The following ADARB2 variants were observed in gnomAD, a reference collection of about 807,000 sequenced individuals.
The protein encoded by ADARB2 is adenosine deaminase RNA specific B2 (inactive), also known as inactive double-stranded RNA-specific editase B2.
Under a neutral mutation model 62.2 loss-of-function variants are expected in ADARB2, and 25 were observed. That is an observed-to-expected ratio of 0.40 (90% CI 0.29 to 0.56). The LOEUF is 0.56. Among genes scored for constraint, ADARB2 ranks in the 20% least tolerant of loss-of-function variants. The pLI is 0.43. For synonymous variants in ADARB2, 572 were observed against 500.8 expected (o/e 1.14, Z -1.90); for missense variants, 1,071 against 1,077.4 (o/e 0.99, Z 0.08).
chr10:1,667,744 T>C (rs1834332102), intron 1 of ADARB2, among the ~76,000 whole-genome samples: 1 of 152,222 alleles, frequency 6.6e-6, no homozygotes, highest in Non-Finnish European at 1.5e-5. Context: ...AGCCACAAAT[T>C]AGAGGTATTT....
At chr10:1,316,263 G>T (rs1831738242) in intron 3 of ADARB2, among the ~76,000 whole-genome samples, 2 of 152,256 alleles carry the variant, frequency 1.3e-5, no homozygotes, top group African/African-American at 4.8e-5. Context: ...CACACAGCAG[G>T]GAAGGGAGTG....
rs372851456 is a variant in ADARB2 at position 1,503,775 on chromosome 10, C to G, written c.101-124615G>C. On this transcript the variant is annotated intron_variant, in intron 1 of 9. Transcript: ENST00000381312. Reference sequence around the variant, plus strand: ...AGTGAGCTCTGGCTAGATGTGGTCTCTAACAGTGTAGCCCTGCCCACGCCC... The same window carrying G: ...AGTGAGCTCTGGCTAGATGTGGTCTGTAACAGTGTAGCCCTGCCCACGCCC... Among the ~76,000 whole-genome samples the G allele has an allele frequency of 6.2e-4, 95 of 152,176 alleles. 1 individual carries two copies. The South Asian group carries it at 0.017, about 27-fold the overall frequency.
chr10:1,640,959 G>A (rs144238526), intron 1 of ADARB2, among the ~76,000 whole-genome samples: 5 of 152,258 alleles, frequency 3.3e-5, no homozygotes, highest in African/African-American at 9.6e-5. Flanking sequence ...TGCAAGATCC[G>A]AAATTCACTC....
chr10:1,452,642 G>A (rs1306185644), intron 1 of ADARB2, among the ~76,000 whole-genome samples: 2 of 143,116 alleles, frequency 1.4e-5, no homozygotes, highest in African/African-American at 5.2e-5. Flanking sequence ...CACACACTGG[G>A]GCCTGTTGGG....
At chr10:1,509,073 T>C (rs143890621) in intron 1 of ADARB2, among the ~76,000 whole-genome samples, 4 of 152,292 alleles carry the variant, frequency 2.6e-5, no homozygotes, top group Non-Finnish European at 5.9e-5. Context: ...AGCCGGTCCA[T>C]CTATAAAAAC....
chr10:1,444,990 C>T (rs1830950834), intron 1 of ADARB2, among the ~76,000 whole-genome samples: 1 of 150,442 alleles, frequency 6.6e-6, no homozygotes, highest in Non-Finnish European at 1.5e-5. Context: ...CACTCACAAT[C>T]CATCCATCTA....
At chr10:1,622,499 A>T (rs1833715703) in intron 1 of ADARB2, among the ~76,000 whole-genome samples, 1 of 152,202 alleles carries the variant, frequency 6.6e-6, no homozygotes, top group South Asian at 2.1e-4. Context: ...TAATGACAAG[A>T]ATCCAGTAAA....
chr10:1,585,269 T>A (rs746304612), intron 1 of ADARB2, among the ~76,000 whole-genome samples: 1 of 151,856 alleles, frequency 6.6e-6, no homozygotes, highest in Non-Finnish European at 1.5e-5. Flanking sequence ...GTGAACCCCA[T>A]GAAAGGAAAA....
chr10:1,514,968 G>A (rs1377994739), intron 1 of ADARB2, among the ~76,000 whole-genome samples: 1 of 151,962 alleles, frequency 6.6e-6, no homozygotes, highest in African/African-American at 2.4e-5. Flanking sequence ...ACACAGAAAA[G>A]GGGCGAAAGA....
At chr10:1,649,649 T>G (rs7912965) in intron 1 of ADARB2, among the ~76,000 whole-genome samples, 71,071 of 151,736 alleles carry the variant, frequency 0.47, 16,804 homozygotes, top group South Asian at 0.53. Context: ...TTACCAGATG[T>G]GCCAGAGTGT....
chr10:1,360,422 G>A (rs11250457), intron 3 of ADARB2, among the ~76,000 whole-genome samples: 18,102 of 152,294 alleles, frequency 0.12, 1,780 homozygotes, highest in East Asian at 0.46. Flanking sequence ...AGGGGTCTGC[G>A]TGGACAGGAA....
At position 1,638,274 on chromosome 10, in the gene ADARB2, T is replaced by C. The variant is rs113610076; in HGVS notation, c.100+98777A>G. Reference sequence around the variant, plus strand: ...CTCGTGAATTAACAATGAGCTTTGATTGTTGAAAAAAGATGACATATTTCC... The same window carrying C: ...CTCGTGAATTAACAATGAGCTTTGACTGTTGAAAAAAGATGACATATTTCC... On this transcript the variant is annotated intron_variant, in intron 1 of 9. Transcript: ENST00000381312. Among the ~76,000 whole-genome samples the C allele has an allele frequency of 4.5e-3, 680 of 152,328 alleles. 5 individuals are homozygous for C. Among genetic ancestry groups the C allele is most frequent in the African/African-American group, 0.016 (656 of 41,574 alleles).
intron 1 of ADARB2, among the ~76,000 whole-genome samples, chr10:1,380,192 T>C (rs1178085139): frequency 2.0e-5 from 3 of 152,216 alleles, no homozygotes; most frequent in African/African-American, 7.2e-5. Flanking sequence ...TGTGCCATTA[T>C]GAACCTGGAC....
chr10:1,339,332 C>T (rs374805310), intron 3 of ADARB2, among the ~76,000 whole-genome samples: 5 of 152,226 alleles, frequency 3.3e-5, no homozygotes, highest in East Asian at 1.9e-4. Context: ...CCGAAGTCTA[C>T]GGGACTAAGG....
At chr10:1,713,408 A>G (rs189104058) in intron 1 of ADARB2, among the ~76,000 whole-genome samples, 1 of 152,282 alleles carries the variant, frequency 6.6e-6, no homozygotes, top group African/African-American at 2.4e-5. Context: ...CCAGCATATT[A>G]CAGTAGGATG....
intron 1 of ADARB2, among the ~76,000 whole-genome samples, chr10:1,655,246 A>G (rs1276599870): frequency 1.3e-5 from 2 of 152,232 alleles, no homozygotes; most frequent in African/African-American, 4.8e-5. Context: ...GCACTAGAAC[A>G]GAGGGGGTGT....
At chr10:1,665,966 C>T (rs1218440922) in intron 1 of ADARB2, among the ~76,000 whole-genome samples, 3 of 151,960 alleles carry the variant, frequency 2.0e-5, no homozygotes, top group South Asian at 2.1e-4. Context: ...GGGCTTAGCC[C>T]GACATTCAGG....
intron 1 of ADARB2, among the ~76,000 whole-genome samples, chr10:1,564,079 C>T (rs11250627): frequency 0.28 from 42,736 of 151,214 alleles, 7,347 homozygotes; most frequent in East Asian, 0.6. Flanking sequence ...TGAATAATGC[C>T]GCAATAAACA....
intron 1 of ADARB2, among the ~76,000 whole-genome samples, chr10:1,659,571 A>C (rs1834218131): frequency 6.6e-6 from 1 of 152,272 alleles, no homozygotes; most frequent in South Asian, 2.1e-4. Flanking sequence ...CTCCAGCTGC[A>C]GAACGATGAG....
Sources: gnomAD v4.1 joint callset for allele counts (sites outside exome capture counted in the v4.1 genomes callset) on GRCh38, gnomAD v4.1.1 for gene constraint, MANE v1.5 for transcripts, NCBI Gene and HGNC (gene_info 2026-07-23, HGNC 2026-07-21) for gene names.